The following SNX8 variants were observed in gnomAD, a reference collection of about 807,000 sequenced individuals.
The protein encoded by SNX8 is sorting nexin-8.
Under a neutral mutation model 51.6 loss-of-function variants are expected in SNX8, and 25 were observed. That is an observed-to-expected ratio of 0.48 (90% CI 0.35 to 0.68). SNX8 has a LOEUF of 0.68. Ranked by LOEUF, SNX8 falls within the 30% of genes least tolerant of loss-of-function variation. The pLI is 0.00. For synonymous variants in SNX8, 324 were observed against 277.0 expected, an observed-to-expected ratio of 1.17 and a Z score of -1.68; for missense variants, 695 against 624.0, an observed-to-expected ratio of 1.11 and a Z score of -1.21.
chr7:2,337,849 T>C (rs1317788483), intron 1 of SNX8, among the ~76,000 whole-genome samples: 1 of 67,792 alleles, frequency 1.5e-5, no homozygotes, highest in Admixed American at 1.7e-4. Flanking sequence ...AAAGGATATC[T>C]TGTAAAAAAA....
At position 2,275,245 on chromosome 7, in the gene SNX8, C is replaced by T. The variant is rs758930204; in HGVS notation, c.301-16G>A. 5 of 1,567,664 alleles carry T rather than the reference C, an allele frequency of 3.2e-6. No homozygotes were observed. Among genetic ancestry groups the T allele is most frequent in the Middle Eastern group, 3.4e-4 (2 of 5,962 alleles). On this transcript the variant is annotated splice_polypyrimidine_tract_variant and intron_variant, in intron 2 of 10. Transcript: ENST00000222990. ...ACTTGAAGCGCTGCAAGAGAAGGGT[C>T]GGTGCTTAGATCCGACGTTGGAAAC...
intron 1 of SNX8, among the ~76,000 whole-genome samples, chr7:2,329,303 T>C (rs1052720356): frequency 6.6e-6 from 1 of 150,862 alleles, no homozygotes; most frequent in African/African-American, 2.4e-5. Flanking sequence ...AAATAAAAAA[T>C]AAATAAATAA....
In SNX8 at chr7:2,299,985, T is replaced by C. The variant is rs1227061804; in HGVS notation, c.94+14343A>G. Among the ~76,000 whole-genome samples the C allele has an allele frequency of 2.0e-5, 3 of 151,632 alleles. No homozygotes were observed. In the East Asian group the frequency reaches 5.8e-4, roughly 29 times the overall value. On this transcript the variant is annotated intron_variant, in intron 1 of 10. Coordinates refer to ENST00000222990, the MANE Select transcript of SNX8 (RefSeq NM_013321.4). ...AGGAAGAAGGCGCACTTCCTTCTCCTGGCTGCCTTAAGGGTAGACAACAAG... is the reference window on the plus strand; with the variant it reads ...AGGAAGAAGGCGCACTTCCTTCTCCCGGCTGCCTTAAGGGTAGACAACAAG...
chr7:2,272,176 A>G (rs1326055929), intron 3 of SNX8, among the ~76,000 whole-genome samples: 1 of 152,190 alleles, frequency 6.6e-6, no homozygotes, highest in African/African-American at 2.4e-5. Flanking sequence ...GGCCCCCTCC[A>G]GCCACACACA....
In SNX8 at chr7:2,253,319, A is replaced by G. The variant is rs1263655336; in HGVS notation, c.*1737T>C. On this transcript the variant is annotated 3_prime_UTR_variant, in exon 11 of 11. Transcript: ENST00000222990. ...CACCTGATGCCCTCCACGACTCCCC[A>G]CAGCCTCTATGGTCCTGCAGCTGGA... is the stretch of plus-strand genomic sequence containing the variant. The G allele has an allele frequency of 6.5e-6, 1 of 154,278 alleles. No individual in the cohort carries two copies. The highest frequency in any genetic ancestry group is 1.9e-4 in the East Asian group (1 of 5,186). The allele number at this position is 154,278 out of a possible 1,614,324, so 9.6% of individuals were successfully genotyped here. A position where few individuals can be genotyped will look rare whatever the true frequency, so the allele number is the denominator to read the frequency against.
chr7:2,286,529 T>A (rs1451432342), intron 1 of SNX8, among the ~76,000 whole-genome samples: 278 of 122,502 alleles, frequency 2.3e-3, no homozygotes, highest in East Asian at 6.0e-3. Context: ...ATAATTTTTT[T>A]TTTTTTTTAA....
intron 1 of SNX8, among the ~76,000 whole-genome samples, chr7:2,327,630 A>G (rs1053667927): frequency 2.6e-5 from 4 of 151,372 alleles, no homozygotes; most frequent in Non-Finnish European, 5.9e-5. Flanking sequence ...GATGGTCTCG[A>G]TCTCCTGACC....
intron 1 of SNX8, among the ~76,000 whole-genome samples, chr7:2,331,698 C>T (rs1778739033): frequency 7.1e-6 from 1 of 140,568 alleles, no homozygotes; most frequent in South Asian, 2.4e-4. Flanking sequence ...GAGTGACACT[C>T]CGTCTCAAAA....
intron 1 of SNX8, among the ~76,000 whole-genome samples, chr7:2,332,208 G>GA (rs1166165078): frequency 2.0e-5 from 3 of 149,844 alleles, no homozygotes; most frequent in African/African-American, 2.4e-5. Context: ...GGCTGTCTCA[G>GA]AAAAAAATAT....
chr7:2,257,651 C>A, intron 8 of SNX8, 84 bp downstream of exon 8: 1 of 1,564,912 alleles, frequency 6.4e-7, no homozygotes, highest in African/African-American at 1.4e-5. Context: ...GCTCCTCTTC[C>A]GTCCCCCAGG....
rs372633403 is a variant in SNX8, at chr7:2,252,041, C to T, written c.*3015G>A. The T allele has an allele frequency of 2.6e-5, 4 of 152,360 alleles. No individual in the cohort carries two copies. The highest frequency in any genetic ancestry group is 2.1e-4 in the South Asian group (1 of 4,826). The allele number at this position is 152,360 out of a possible 1,614,324, so 9.4% of individuals were successfully genotyped here. ...GGCAGACAAAGGGCAGCTGTCTGCA[C>T]GGTGACCCCGAGTACCCAGGACACG... On this transcript the variant is annotated 3_prime_UTR_variant, in exon 11 of 11. Coordinates refer to ENST00000222990, the MANE Select transcript of SNX8 (RefSeq NM_013321.4).
At chr7:2,323,349 A>AAAAAC (rs1562457857) in intron 1 of SNX8, among the ~76,000 whole-genome samples, 3 of 145,556 alleles carry the variant, frequency 2.1e-5, no homozygotes, top group Non-Finnish European at 4.5e-5. Flanking sequence ...AAAAAAAAAA[A>AAAAAC]CAACCAAACA....
intron 1 of SNX8, among the ~76,000 whole-genome samples, chr7:2,286,909 G>A (rs1420207849): frequency 6.6e-6 from 1 of 151,762 alleles, no homozygotes; most frequent in African/African-American, 2.4e-5. Context: ...GGGAGGCTGA[G>A]GTGGGCAGAT....
intron 7 of SNX8, among the ~76,000 whole-genome samples, chr7:2,258,603 C>A (rs1213423621): frequency 6.6e-6 from 1 of 152,178 alleles, no homozygotes; most frequent in East Asian, 1.9e-4. Flanking sequence ...GCATCAGTAA[C>A]AGGAGAGAGA....
intron 1 of SNX8, among the ~76,000 whole-genome samples, chr7:2,341,236 C>T (rs7811931): frequency 0.011 from 1,662 of 151,728 alleles, 38 homozygotes; most frequent in African/African-American, 0.034. Flanking sequence ...TAAAATTGAT[C>T]AGCCAGGTGC....
At chr7:2,321,349 A>C (rs13240819) in intron 1 of SNX8, among the ~76,000 whole-genome samples, 7 of 152,152 alleles carry the variant, frequency 4.6e-5, no homozygotes, top group African/African-American at 7.2e-5. Context: ...GTGCACCGAC[A>C]CGTCTGCCTT....
intron 1 of SNX8, among the ~76,000 whole-genome samples, chr7:2,300,374 A>G (rs1353979133): frequency 2.0e-5 from 3 of 152,224 alleles, no homozygotes; most frequent in African/African-American, 7.2e-5. Flanking sequence ...AGTTGTCCAG[A>G]ATGAACTAAA....
At chr7:2,348,396 A>AGTGGCGCGATCTC (rs1779074594) in intron 1 of SNX8, among the ~76,000 whole-genome samples, 1 of 139,746 alleles carries the variant, frequency 7.2e-6, no homozygotes, top group Non-Finnish European at 1.5e-5. Flanking sequence ...GCTGGAGTGC[A>AGTGGCGCGATCTC]GTGGCGCGAT....
intron 1 of SNX8, among the ~76,000 whole-genome samples, chr7:2,305,351 A>G (rs1796522705): frequency 6.6e-6 from 1 of 151,914 alleles, no homozygotes; most frequent in Admixed American, 6.6e-5. Context: ...TTCCCCCAAC[A>G]TTTTGTATTT....
Sources: gnomAD v4.1 joint callset for allele counts (sites outside exome capture counted in the v4.1 genomes callset) on GRCh38, gnomAD v4.1.1 for gene constraint, MANE v1.5 for transcripts, NCBI Gene and HGNC (gene_info 2026-07-23, HGNC 2026-07-21) for gene names.